The following SHROOM3 variants were observed in gnomAD, a reference collection of about 807,000 sequenced individuals.
SHROOM3 encodes shroom family member 3.
In SHROOM3, 47 loss-of-function variants were observed where a neutral mutation model predicts 138.6. The ratio of observed to expected loss-of-function variants is 0.34; its 90% confidence interval spans 0.27 to 0.43. SHROOM3 has a LOEUF of 0.43. Among genes scored for constraint, SHROOM3 ranks in the 20% least tolerant of loss-of-function variants. SHROOM3 has a pLI of 1.00. For synonymous variants in SHROOM3, 1,062 were observed against 1,063.3 expected (o/e 1.00, Z 0.02); for missense variants, 2,491 against 2,596.5 (o/e 0.96, Z 0.88).
At chr4:76,595,746 C>T (rs1310366016) in intron 2 of SHROOM3, among the ~76,000 whole-genome samples, 1 of 152,172 alleles carries the variant, frequency 6.6e-6, no homozygotes, top group Non-Finnish European at 1.5e-5. Context: ...CTGAGCACAT[C>T]ATTATCTGAT....
chr4:76,754,253 G>A (rs1161177245), intron 6 of SHROOM3, 58 bp from the exon 7 acceptor site: 5 of 1,605,470 alleles, frequency 3.1e-6, no homozygotes, highest in African/African-American at 1.3e-5. Context: ...GGAGCATTGG[G>A]CTGCATGTTT....
intron 1 of SHROOM3, among the ~76,000 whole-genome samples, chr4:76,440,305 C>A (rs1730643603): frequency 6.6e-6 from 1 of 152,108 alleles, no homozygotes; most frequent in Non-Finnish European, 1.5e-5. Flanking sequence ...CTTGCTGAAG[C>A]TCTCATAGCT....
chr4:76,740,161 C>T lies in SHROOM3; in HGVS notation c.1988C>T (p.Ser663Leu). 1 of 1,613,964 alleles carries T rather than the reference C, an allele frequency of 6.2e-7. No homozygotes were observed. The highest frequency in any genetic ancestry group is 1.3e-5 in the African/African-American group (1 of 75,072). Residue 663 changes from serine (S) to leucine (L), a missense_variant, in exon 5 of 11, where the codon TCA becomes TTA. Ser to Leu is a moderately radical substitution (Grantham distance 145). Around this residue, in one of 4 missense-constraint regions of SHROOM3, gnomAD observed 1,733 missense variants for 1,661.6 expected, o/e 1.04. Transcript: ENST00000296043. This position sits in a 1 kb window ranked among gnomAD's most constrained non-coding sequence, Gnocchi z 4.0. ...GNFGKTKSAF[S>L]SLQNIPESLR... ...TTTGGCAAGACCAAGTCAGCCTTCT[C>T]ATCTCTCCAGAACATTCCTGAGAGT...
At chr4:76,702,922 G>T (rs975827891) in intron 2 of SHROOM3, among the ~76,000 whole-genome samples, 12 of 152,084 alleles carry the variant, frequency 7.9e-5, no homozygotes, top group Non-Finnish European at 1.3e-4. Context: ...CTTTCTGCAA[G>T]GTTGACATAG....
At chr4:76,748,499 C>G (rs1016899064) in intron 5 of SHROOM3, among the ~76,000 whole-genome samples, 6 of 152,154 alleles carry the variant, frequency 3.9e-5, no homozygotes, top group African/African-American at 1.4e-4. Context: ...ATTGATCTCA[C>G]ATGTGAGTGA....
intron 2 of SHROOM3, among the ~76,000 whole-genome samples, chr4:76,589,171 G>A (rs879501367): frequency 6.6e-6 from 1 of 152,232 alleles, no homozygotes; most frequent in East Asian, 1.9e-4. Flanking sequence ...TTCCACAAGT[G>A]ATCAAGAGAC....
At chr4:76,439,484 T>C (rs1375492623) in intron 1 of SHROOM3, among the ~76,000 whole-genome samples, 1 of 152,114 alleles carries the variant, frequency 6.6e-6, no homozygotes, top group Admixed American at 6.5e-5. Context: ...CATTTGAGCA[T>C]TGGTAGAAGT....
chr4:76,513,655 G>A (rs1274730428), intron 1 of SHROOM3, among the ~76,000 whole-genome samples: 1 of 152,142 alleles, frequency 6.6e-6, no homozygotes, highest in Non-Finnish European at 1.5e-5. Context: ...TTTACCGGTA[G>A]TATGCTTTAA....
intron 2 of SHROOM3, among the ~76,000 whole-genome samples, chr4:76,564,623 C>A (rs1023323589): frequency 6.6e-6 from 1 of 152,140 alleles, no homozygotes; most frequent in Admixed American, 6.5e-5. Flanking sequence ...AAGGGGACAT[C>A]TTTTTCCCCC....
chr4:76,521,104 CTT>C (rs908420128), intron 1 of SHROOM3, among the ~76,000 whole-genome samples: 1 of 151,470 alleles, frequency 6.6e-6, no homozygotes, highest in Non-Finnish European at 1.5e-5. Context: ...TAACAGGAGT[CTT>C]TTTTTTTAAA....
intron 1 of SHROOM3, among the ~76,000 whole-genome samples, chr4:76,543,463 T>C (rs1301765520): frequency 6.6e-6 from 1 of 152,208 alleles, no homozygotes; most frequent in East Asian, 1.9e-4. Flanking sequence ...TGTTTCATCC[T>C]ATCACTGGTA....
intron 3 of SHROOM3, among the ~76,000 whole-genome samples, chr4:76,714,491 G>A (rs1349798095): frequency 5.9e-5 from 9 of 152,166 alleles, no homozygotes; most frequent in Non-Finnish European, 1.3e-4. Context: ...GTTACATGAT[G>A]TCAATATGTC....
chr4:76,551,998 A>G (rs1402162987), intron 1 of SHROOM3, among the ~76,000 whole-genome samples: 2 of 146,764 alleles, frequency 1.4e-5, no homozygotes, highest in African/African-American at 5.1e-5. Flanking sequence ...AGTAGCTGGG[A>G]CTACAGGCGC....
At chr4:76,596,146 T>C (rs1734379102) in intron 2 of SHROOM3, among the ~76,000 whole-genome samples, 1 of 152,184 alleles carries the variant, frequency 6.6e-6, no homozygotes, top group Non-Finnish European at 1.5e-5. Flanking sequence ...TTCCATAAAC[T>C]GATAATGGAG....
intron 1 of SHROOM3, among the ~76,000 whole-genome samples, chr4:76,500,574 A>T (rs1732069500): frequency 6.6e-6 from 1 of 152,144 alleles, no homozygotes; most frequent in East Asian, 1.9e-4. Context: ...TCCTACTAGC[A>T]GTGTAGGAAA....
intron 2 of SHROOM3, among the ~76,000 whole-genome samples, chr4:76,565,592 C>T (rs2110035094): frequency 6.6e-6 from 1 of 152,248 alleles, no homozygotes; most frequent in Non-Finnish European, 1.5e-5. Context: ...AAGTGATCCT[C>T]CTACTTCAGC....
chr4:76,461,823 T>C (rs1731148340), intron 1 of SHROOM3, among the ~76,000 whole-genome samples: 1 of 152,222 alleles, frequency 6.6e-6, no homozygotes, highest in Admixed American at 6.5e-5. Flanking sequence ...GCAGTTGCAA[T>C]TGGCATTACT....
chr4:76,450,532 T>C (rs1488962100), intron 1 of SHROOM3, among the ~76,000 whole-genome samples: 1 of 152,192 alleles, frequency 6.6e-6, no homozygotes, highest in Non-Finnish European at 1.5e-5. Flanking sequence ...AGCCATATAA[T>C]GGAATACTAT....
At chr4:76,698,933 C>T (rs1719825426) in intron 2 of SHROOM3, among the ~76,000 whole-genome samples, 1 of 152,128 alleles carries the variant, frequency 6.6e-6, no homozygotes, top group Admixed American at 6.5e-5. Flanking sequence ...TATTCCTCCC[C>T]AAATGTTTTG....
Sources: allele counts gnomAD v4.1 joint callset (sites outside exome capture counted in the v4.1 genomes callset), GRCh38; gene constraint gnomAD v4.1.1; regional missense constraint gnomAD v4.1.1; non-coding constraint Gnocchi (gnomAD v3.1); transcripts MANE v1.5; gene names NCBI Gene and HGNC (gene_info 2026-07-23, HGNC 2026-07-21).